The following ANKRD12 variants were observed in gnomAD, a reference collection of about 807,000 sequenced individuals.
ANKRD12 encodes the protein ankyrin repeat domain 12, also known as ankyrin repeat domain-containing protein 12.
In ANKRD12, 85 loss-of-function variants were observed where a neutral mutation model predicts 183.4. The observed-to-expected ratio is 0.46, with a 90% CI of 0.39 to 0.56. ANKRD12 has a LOEUF of 0.56. Among genes scored for constraint, ANKRD12 ranks in the 20% least tolerant of loss-of-function variants. The pLI, the probability that ANKRD12 is intolerant of heterozygous loss-of-function variation, is 0.00. For synonymous variants in ANKRD12, 914 were observed against 800.2 expected (o/e 1.14, Z -2.40); for missense variants, 2,405 against 2,357.1 (o/e 1.02, Z -0.42).
chr18:9,167,399 G>C (rs1456215721), intron 1 of ANKRD12, among the ~76,000 whole-genome samples: 2 of 152,144 alleles, frequency 1.3e-5, no homozygotes, highest in African/African-American at 2.4e-5. Flanking sequence ...TCATTGAGCA[G>C]TGGTTTGTAG....
intron 3 of ANKRD12, among the ~76,000 whole-genome samples, chr18:9,203,509 C>A (rs190884216): frequency 6.6e-6 from 1 of 152,168 alleles, no homozygotes; most frequent in Admixed American, 6.5e-5. Flanking sequence ...CTGCTCTGGC[C>A]ATATTGCCAA....
chr18:9,178,636 T>G (rs1352853778), intron 1 of ANKRD12, among the ~76,000 whole-genome samples: 1 of 152,152 alleles, frequency 6.6e-6, no homozygotes, highest in African/African-American at 2.4e-5. Flanking sequence ...GTTCTTAACA[T>G]TTTCATATAC....
At chr18:9,234,177 G>A (rs138087261) in intron 8 of ANKRD12, among the ~76,000 whole-genome samples, 1 of 152,296 alleles carries the variant, frequency 6.6e-6, no homozygotes, top group East Asian at 1.9e-4. Context: ...ACCAGTAGGG[G>A]CACAGTCACC....
intron 1 of ANKRD12, among the ~76,000 whole-genome samples, chr18:9,168,551 G>A (rs547438933): frequency 1.3e-5 from 2 of 152,160 alleles, no homozygotes; most frequent in South Asian, 2.1e-4. Context: ...TATTTCTGTG[G>A]GATCGGTGGT....
At chr18:9,187,948 A>G (rs936009122) in intron 2 of ANKRD12, among the ~76,000 whole-genome samples, 1 of 152,222 alleles carries the variant, frequency 6.6e-6, no homozygotes, top group African/African-American at 2.4e-5. Flanking sequence ...TTATTATCCA[A>G]GTATTATAAT....
chr18:9,141,992 C>T lies in ANKRD12; in HGVS notation c.-52+5027C>T, dbSNP rs114652803. ...ACTGGTCTTGGTCTTGAACTCCTGA[C>T]CTCAAACAGTCCTCCTGCTTCACCC... On this transcript the variant is annotated intron_variant, in intron 1 of 12. Coordinates refer to ENST00000262126, the MANE Select transcript of ANKRD12 (RefSeq NM_015208.5). 9.8e-3 allele frequency among the ~76,000 whole-genome samples: 1,491 copies of T among 152,222 alleles called. 22 individuals are homozygous for T. The highest frequency in any genetic ancestry group is 0.034 in the African/African-American group (1,410 of 41,524).
chr18:9,152,135 T>A (rs2078704073), intron 1 of ANKRD12, among the ~76,000 whole-genome samples: 1 of 152,242 alleles, frequency 6.6e-6, no homozygotes, highest in South Asian at 2.1e-4. Flanking sequence ...TAGGGACTTC[T>A]GGACAAAAGG....
chr18:9,247,081 T>G (rs1286210957), intron 8 of ANKRD12, among the ~76,000 whole-genome samples: 6 of 152,210 alleles, frequency 3.9e-5, no homozygotes, highest in Non-Finnish European at 8.8e-5. Flanking sequence ...AAGACAGTTC[T>G]TCATTATGTT....
intron 8 of ANKRD12, among the ~76,000 whole-genome samples, chr18:9,237,180 A>G (rs973107085): frequency 3.3e-5 from 5 of 152,216 alleles, no homozygotes; most frequent in Non-Finnish European, 7.4e-5. Flanking sequence ...AAAACAGTCT[A>G]GCAACAGCTA....
At chr18:9,243,671 C>G (rs887590417) in intron 8 of ANKRD12, among the ~76,000 whole-genome samples, 3 of 152,064 alleles carry the variant, frequency 2.0e-5, no homozygotes, top group African/African-American at 7.2e-5. Context: ...AATATTCTGT[C>G]AAGGACTAAA....
At chr18:9,181,117 A>G (rs900902935) in intron 1 of ANKRD12, among the ~76,000 whole-genome samples, 1 of 152,194 alleles carries the variant, frequency 6.6e-6, no homozygotes, top group Non-Finnish European at 1.5e-5. Context: ...TGTAATGTCA[A>G]AAAAGTTTCT....
chr18:9,146,810 A>G (rs886909076), intron 1 of ANKRD12, among the ~76,000 whole-genome samples: 1 of 152,212 alleles, frequency 6.6e-6, no homozygotes, highest in Non-Finnish European at 1.5e-5. Context: ...CCTGGAATAT[A>G]CAGTTGTTCT....
Position 9,206,569 on chromosome 18 carries a change from T to G in ANKRD12, c.304+2025T>G, listed in dbSNP as rs1180818889. Among the ~76,000 whole-genome samples, 3 of 152,064 alleles carry G rather than the reference T, an allele frequency of 2.0e-5. 1 individual carries two copies. On this transcript the variant is annotated intron_variant, in intron 4 of 12. Transcript: ENST00000262126. ...CTAGCTGCCTTACACCGGCTGCTGTTTTCTTACTTTGCTGTCTCATGCAGA... is the reference window on the plus strand; with the variant it reads ...CTAGCTGCCTTACACCGGCTGCTGTGTTCTTACTTTGCTGTCTCATGCAGA...
intron 8 of ANKRD12, among the ~76,000 whole-genome samples, chr18:9,231,372 G>T (rs1420368368): frequency 6.6e-6 from 1 of 152,050 alleles, no homozygotes; most frequent in Non-Finnish European, 1.5e-5. Context: ...TATTGTATTG[G>T]AGTCTTCCTT....
intron 5 of ANKRD12, among the ~76,000 whole-genome samples, chr18:9,210,704 C>A (rs1445558701): frequency 9.8e-6 from 1 of 101,624 alleles, no homozygotes; most frequent in Non-Finnish European, 2.0e-5. Flanking sequence ...CCAGCCTGGG[C>A]AACAGAGTGA....
rs1228159959 is a variant in ANKRD12 at position 9,285,350 on chromosome 18, G to T, written c.*4224G>T. The T allele has an allele frequency of 1.3e-5, 2 of 148,362 alleles. No homozygotes were observed. Among genetic ancestry groups the T allele is most frequent in the East Asian group, 4.0e-4 (2 of 5,008 alleles). The allele number at this position is 148,362 out of a possible 1,614,324, so 9.2% of individuals were successfully genotyped here. ...GGAGGTTGAGACAGGAGAATCGCTT[G>T]AAGCCTGGAGGCGGAGGTTGCAGTG... On this transcript the variant is annotated 3_prime_UTR_variant, in exon 13 of 13. Coordinates refer to ENST00000262126, the MANE Select transcript of ANKRD12 (RefSeq NM_015208.5).
intron 8 of ANKRD12, among the ~76,000 whole-genome samples, chr18:9,247,100 A>G (rs553410059): frequency 6.6e-6 from 1 of 152,224 alleles, no homozygotes; most frequent in South Asian, 2.1e-4. Flanking sequence ...TTTGACTGTT[A>G]CACTTTCTGT....
intron 8 of ANKRD12, among the ~76,000 whole-genome samples, chr18:9,252,528 T>TA (rs2038357964): frequency 6.6e-6 from 1 of 152,218 alleles, no homozygotes; most frequent in Non-Finnish European, 1.5e-5. Context: ...TCTTTCCTTT[T>TA]AAAAAAGTAG....
chr18:9,182,614 A>C, intron 2 of ANKRD12, 95 bp downstream of exon 2: 1 of 701,446 alleles, frequency 1.4e-6, no homozygotes, highest in South Asian at 2.2e-5. Flanking sequence ...ATAAAAACCA[A>C]TATGGATGCC....
Sources: gnomAD v4.1 joint callset for allele counts (sites outside exome capture counted in the v4.1 genomes callset) on GRCh38, gnomAD v4.1.1 for gene constraint, MANE v1.5 for transcripts, NCBI Gene and HGNC (gene_info 2026-07-23, HGNC 2026-07-21) for gene names.